The following ROBO2 variants were observed in gnomAD, a reference collection of about 807,000 sequenced individuals.
ROBO2 encodes the protein roundabout guidance receptor 2, also known as roundabout homolog 2.
A neutral mutation model predicts 160.8 loss-of-function variants in ROBO2; 53 were observed. The observed-to-expected ratio is 0.33, with a 90% CI of 0.26 to 0.41. The LOEUF (loss-of-function observed/expected upper bound fraction) is 0.41. ROBO2 is among the 10% of genes least tolerant of loss of function. The pLI is 1.00. For missense variants in ROBO2, 1,577 were observed against 1,722.4 expected, an observed-to-expected ratio of 0.92 and a Z score of 1.49; for synonymous variants, 664 against 611.7, an observed-to-expected ratio of 1.09 and a Z score of -1.26.
At chr3:77,143,834 G>A (rs1385953444) in intron 2 of ROBO2, among the ~76,000 whole-genome samples, 4 of 150,974 alleles carry the variant, frequency 2.6e-5, no homozygotes, top group African/African-American at 9.8e-5. Flanking sequence ...TTAGTATTCT[G>A]GTGCCTTCAT....
chr3:76,720,129 G>T (rs767339026), intron 2 of ROBO2, among the ~76,000 whole-genome samples: 1 of 152,062 alleles, frequency 6.6e-6, no homozygotes, highest in East Asian at 1.9e-4. Context: ...TGTTATTGGT[G>T]CCCTTTTAAA....
chr3:76,368,107 T>A (rs929415232), intron 2 of ROBO2, among the ~76,000 whole-genome samples: 1 of 151,936 alleles, frequency 6.6e-6, no homozygotes, highest in East Asian at 1.9e-4. Flanking sequence ...TTCTATCATT[T>A]TTTTTCCTTA....
chr3:77,246,145 A>T (rs1047607864), intron 2 of ROBO2, among the ~76,000 whole-genome samples: 1 of 152,164 alleles, frequency 6.6e-6, no homozygotes, highest in South Asian at 2.1e-4. Flanking sequence ...TTCTACCTTC[A>T]TTTAGGACTT....
At position 76,567,681 on chromosome 3, in the gene ROBO2, GTA is replaced by G. The variant is rs1335449141; in HGVS notation, c.110-530323_110-530322del. Among the ~76,000 whole-genome samples the G allele has an allele frequency of 7.0e-3, 369 of 52,918 alleles. 5 individuals are homozygous for G. The highest frequency in any genetic ancestry group is 0.018 in the African/African-American group (299 of 16,272). 34.7% of individuals were successfully genotyped at this position (52,918 alleles called of 152,430 possible). A position where few individuals can be genotyped will look rare whatever the true frequency, so the allele number is the denominator to read the frequency against. ...CATACACATATATATACATATATAT[GTA>G]TATATATATGTATATCAGTGTATAT... On this transcript the variant is annotated intron_variant, in intron 2 of 26. Transcript: ENST00000487694.
At chr3:77,616,593 T>G (rs2094782786) in intron 21 of ROBO2, among the ~76,000 whole-genome samples, 1 of 152,140 alleles carries the variant, frequency 6.6e-6, no homozygotes, top group South Asian at 2.1e-4. Flanking sequence ...ATTCACTAGG[T>G]ATTTAAGAGG....
At chr3:75,971,744 A>G (rs1029103888) in intron 2 of ROBO2, among the ~76,000 whole-genome samples, 7 of 151,630 alleles carry the variant, frequency 4.6e-5, no homozygotes, top group East Asian at 2.0e-4. Context: ...CAGCATGTAT[A>G]CACCAATATA....
intron 2 of ROBO2, among the ~76,000 whole-genome samples, chr3:76,337,408 G>A (rs1410416815): frequency 6.6e-6 from 1 of 152,180 alleles, no homozygotes; most frequent in Admixed American, 6.5e-5. Flanking sequence ...AGTGAAAAGA[G>A]TTAATAGATA....
chr3:77,026,575 G>T (rs1317558736), intron 2 of ROBO2, among the ~76,000 whole-genome samples: 1 of 152,046 alleles, frequency 6.6e-6, no homozygotes, highest in African/African-American at 2.4e-5. Flanking sequence ...TTCTGCAAAG[G>T]GCTCAGACTC....
chr3:76,635,123 G>T (rs1024167785), intron 2 of ROBO2, among the ~76,000 whole-genome samples: 1 of 152,048 alleles, frequency 6.6e-6, no homozygotes, highest in African/African-American at 2.4e-5. Context: ...TACTAATATC[G>T]GTGTTGTTAT....
chr3:77,308,898 G>A (rs1021768276), intron 2 of ROBO2, among the ~76,000 whole-genome samples: 3 of 152,094 alleles, frequency 2.0e-5, no homozygotes, highest in African/African-American at 7.2e-5. Context: ...TTAATCCAAG[G>A]TCAAGATTAA....
intron 2 of ROBO2, among the ~76,000 whole-genome samples, chr3:76,537,220 A>G (rs1218965396): frequency 6.6e-6 from 1 of 152,016 alleles, no homozygotes; most frequent in African/African-American, 2.4e-5. Flanking sequence ...GGGAGCAGAG[A>G]TTAGGAAGGG....
intron 2 of ROBO2, among the ~76,000 whole-genome samples, chr3:77,205,431 G>A (rs1291299723): frequency 6.6e-6 from 1 of 151,904 alleles, no homozygotes; most frequent in Non-Finnish European, 1.5e-5. Flanking sequence ...CCGTTCTGCT[G>A]TTCATCTGCT....
intron 2 of ROBO2, among the ~76,000 whole-genome samples, chr3:77,360,259 C>A (rs550860263): frequency 2.0e-5 from 3 of 151,182 alleles, no homozygotes; most frequent in East Asian, 4.0e-4. Context: ...GCAACCCCCC[C>A]CCCAAATTTA....
At chr3:77,511,566 A>G (rs1312511980) in intron 5 of ROBO2, among the ~76,000 whole-genome samples, 1 of 152,018 alleles carries the variant, frequency 6.6e-6, no homozygotes, top group African/African-American at 2.4e-5. Flanking sequence ...TTAGCTGGAA[A>G]ATGCCTTGCT....
intron 2 of ROBO2, among the ~76,000 whole-genome samples, chr3:76,260,721 C>A (rs774784328): frequency 6.6e-6 from 1 of 152,046 alleles, no homozygotes; most frequent in Non-Finnish European, 1.5e-5. Context: ...TAAGAGAGCA[C>A]AGTTAGTTCA....
At chr3:76,218,607 G>C (rs1703730054) in intron 2 of ROBO2, among the ~76,000 whole-genome samples, 1 of 152,080 alleles carries the variant, frequency 6.6e-6, no homozygotes, top group Non-Finnish European at 1.5e-5. Context: ...AACTTACAAG[G>C]GATGTGAGGG....
intron 6 of ROBO2, among the ~76,000 whole-genome samples, chr3:77,545,677 G>T (rs895168717): frequency 2.0e-5 from 3 of 152,042 alleles, no homozygotes; most frequent in African/African-American, 7.2e-5. Flanking sequence ...CCCAGTAGGG[G>T]AACATAGTAA....
intron 2 of ROBO2, among the ~76,000 whole-genome samples, chr3:76,962,347 C>G (rs2079729569): frequency 6.6e-6 from 1 of 151,334 alleles, no homozygotes; most frequent in Non-Finnish European, 1.5e-5. Context: ...AACAAACAAA[C>G]AAACAAAACC....
rs550806808 is a variant in ROBO2 at position 76,214,720 on chromosome 3, G to A, written c.109+277118G>A. On this transcript the variant is annotated intron_variant, in intron 2 of 26. Coordinates refer to the ROBO2 transcript ENST00000487694. ...TCAAGGAGGCCTGCCTGCCTCTGTA[G>A]GCTCCACCTCTGGGGGCAGGGCACA... Among the ~76,000 whole-genome samples the A allele has an allele frequency of 4.4e-4, 67 of 152,338 alleles. No individual in the cohort carries two copies. The East Asian group carries it at 0.013, about 29-fold the overall frequency.
Sources: gnomAD v4.1 joint callset for allele counts (sites outside exome capture counted in the v4.1 genomes callset) on GRCh38, gnomAD v4.1.1 for gene constraint, MANE v1.5 for transcripts, NCBI Gene and HGNC (gene_info 2026-07-23, HGNC 2026-07-21) for gene names.